The following RPAP1 variants were observed in gnomAD, a reference collection of about 807,000 sequenced individuals.
RPAP1 encodes RNA polymerase II-associated protein 1.
A neutral mutation model predicts 142.4 loss-of-function variants in RPAP1; 109 were observed. The ratio of observed to expected loss-of-function variants is 0.77; its 90% CI spans 0.66 to 0.90. The LOEUF is 0.90. RPAP1 is among the 40% of genes least tolerant of loss of function. RPAP1 has a pLI of 0.00. For missense variants in RPAP1, 1,546 were observed against 1,751.7 expected, an observed-to-expected ratio of 0.88 and a Z score of 2.10; for synonymous variants, 704 against 738.9, an observed-to-expected ratio of 0.95 and a Z score of 0.77.
intron 4 of RPAP1, 94 bp downstream of exon 4, chr15:41,536,035 G>T (rs1388288865): frequency 1.2e-6 from 1 of 869,436 alleles, no homozygotes; most frequent in East Asian, 2.6e-5. Context: ...AAATTAAATT[G>T]CTTATCATCA....
In RPAP1 at chr15:41,529,922, AG is replaced by A; in HGVS notation, c.1000del (p.Leu334TrpfsTer65). 1 of 1,614,028 alleles carries A rather than the reference AG, an allele frequency of 6.2e-7. No homozygotes were observed. The highest frequency in any genetic ancestry group is 8.5e-7 in the Non-Finnish European group (1 of 1,179,938). On this transcript the variant is annotated frameshift_variant, in exon 8 of 25. Transcript: ENST00000304330. LOFTEE classifies it high-confidence loss of function. ...KEWLHMDTVE[L>X]EKLHWTQDLP... Reference sequence around the variant, plus strand: ...GTCCTGGGTCCAGTGGAGCTTCTCCAGCTCGACAGTGTCCATGTGCAGCCAT... The same window carrying A: ...GTCCTGGGTCCAGTGGAGCTTCTCCACTCGACAGTGTCCATGTGCAGCCAT...
intron 1 of RPAP1, among the ~76,000 whole-genome samples, chr15:41,539,440 G>A (rs1012858760): frequency 2.6e-5 from 4 of 151,934 alleles, no homozygotes; most frequent in Non-Finnish European, 2.9e-5. Context: ...GATTACAGGC[G>A]CCCACCACCA....
rs572461788 is a variant in RPAP1 at position 41,521,862 on chromosome 15, G to A, written c.2914C>T (p.Pro972Ser). Reference protein sequence around the residue: ...AQKAAALQPLPATHAALYHGM... With the variant: ...AQKAAALQPLSATHAALYHGM... ...TGATAGAGGGCAGCATGGGTGGCTGGCAGTGGCTGCAGCGCTGCCTGCAGA... is the reference window on the plus strand; with the variant it reads ...TGATAGAGGGCAGCATGGGTGGCTGACAGTGGCTGCAGCGCTGCCTGCAGA... The change falls in exon 21 of 25, where the codon CCA (proline) becomes TCA (serine). Residue 972 changes from proline to serine, a missense_variant. By Grantham distance (74) the Pro-to-Ser change is moderately conservative. This residue lies in a region of RPAP1 where 1,333 missense variants were observed against 1,486.6 expected (regional missense o/e 0.90). Coordinates refer to ENST00000304330, the MANE Select transcript of RPAP1 (RefSeq NM_015540.4). The A allele has an allele frequency of 6.2e-7, 1 of 1,614,020 alleles. No individual in the cohort carries two copies. Among genetic ancestry groups the A allele is most frequent in the South Asian group, 1.1e-5 (1 of 91,060 alleles).
intron 14 of RPAP1, among the ~76,000 whole-genome samples, chr15:41,525,559 G>A (rs866026749): frequency 1.3e-5 from 2 of 151,998 alleles, no homozygotes; most frequent in African/African-American, 2.4e-5. Flanking sequence ...GGCTGGTGTC[G>A]AACTGCTGAC....
At chr15:41,522,068 C>T (rs778982991) in intron 20 of RPAP1, 30 bp downstream of exon 20, 10 of 1,609,230 alleles carry the variant, frequency 6.2e-6, no homozygotes, top group Admixed American at 1.7e-5. Context: ...AATGGGATGA[C>T]AGGAGAACCT....
intron 19 of RPAP1, 130 bp from the exon 20 acceptor site, chr15:41,522,380 C>A: frequency 4.7e-6 from 4 of 857,736 alleles, no homozygotes; most frequent in Non-Finnish European, 5.4e-6. Flanking sequence ...CCATGGGACA[C>A]CCTCCCACTT....
chr15:41,525,123 C>A lies in RPAP1; in HGVS notation c.1943G>T (p.Arg648Leu), dbSNP rs777348644. ...AGCCTCAGCTATGATGCGGCACAGGCGGCTCCGGAGATCAAAGCTGCTCAA... is the reference window on the plus strand; with the variant it reads ...AGCCTCAGCTATGATGCGGCACAGGAGGCTCCGGAGATCAAAGCTGCTCAA... ...RLLSSFDLRS[R>L]LCRIIAEAPQ... Residue 648 changes from arginine (R) to leucine (L), a missense_variant, in exon 15 of 25, where the codon CGC becomes CTC. Coordinates refer to ENST00000304330, the MANE Select transcript of RPAP1 (RefSeq NM_015540.4). The A allele has an allele frequency of 6.2e-7, 1 of 1,612,092 alleles. No homozygotes were observed. The highest frequency in any genetic ancestry group is 1.1e-5 in the South Asian group (1 of 90,884).
chr15:41,536,353 T>C, intron 3 of RPAP1, 135 bp from the exon 4 acceptor site: 1 of 1,322,398 alleles, frequency 7.6e-7, no homozygotes, highest in East Asian at 2.3e-5. Flanking sequence ...TTCAGGGCAG[T>C]GATTCTAACC....
chr15:41,529,887 C>A lies in RPAP1; in HGVS notation c.1036G>T (p.Val346Phe). The A allele has an allele frequency of 6.2e-7, 1 of 1,611,366 alleles. No individual in the cohort carries two copies. Among genetic ancestry groups the A allele is most frequent in the Non-Finnish European group, 8.5e-7 (1 of 1,178,658 alleles). ...KLHWTQDLPP[V>F]RRQQTQERMQ... ...ACCTCCTGTGTCTGCTGCCGCCGGA[C>A]AGGGGGCAAGTCCTGGGTCCAGTGG... is the stretch of plus-strand genomic sequence containing the variant. Residue 346 changes from valine (V) to phenylalanine (F), a missense_variant, in exon 8 of 25, where the codon GTC (valine) becomes TTC (phenylalanine). By Grantham distance (50) the Val-to-Phe change is conservative. Around this residue, in one of 3 missense-constraint regions of RPAP1, gnomAD observed 1,333 missense variants for 1,486.6 expected, o/e 0.90. Transcript: ENST00000304330.
In RPAP1 at chr15:41,517,363, T is replaced by G; in HGVS notation, c.*179A>C. On this transcript the variant is annotated 3_prime_UTR_variant, in exon 25 of 25. Coordinates refer to ENST00000304330, the MANE Select transcript of RPAP1 (RefSeq NM_015540.4). ...CCTTCAGAAGCCCCAGATATCAGGA[T>G]GTAATGGTAGGGCTCACTGCTCTAA... 3.7e-6 allele frequency: 2 copies of G among 536,726 alleles called. No homozygotes were observed. The highest frequency in any genetic ancestry group is 4.7e-4 in the Middle Eastern group (1 of 2,126). The allele number at this position is 536,726 out of a possible 1,614,324, so 33.2% of individuals were successfully genotyped here. A position where few individuals can be genotyped will look rare whatever the true frequency, so the allele number is the denominator to read the frequency against.
At chr15:41,540,186 A>C (rs1445262111) in intron 1 of RPAP1, among the ~76,000 whole-genome samples, 2 of 152,238 alleles carry the variant, frequency 1.3e-5, no homozygotes, top group Non-Finnish European at 2.9e-5. Flanking sequence ...AATAATAAAA[A>C]TATTGTTATA....
Position 41,531,183 on chromosome 15 carries a change from G to C in RPAP1, c.783C>G (p.Phe261Leu). 6.2e-7 allele frequency: 1 copy of C among 1,612,260 alleles called. No individual in the cohort carries two copies. Among genetic ancestry groups the C allele is most frequent in the Non-Finnish European group, 8.5e-7 (1 of 1,178,524 alleles). Residue 261 changes from phenylalanine (F) to leucine (L), a missense_variant, in exon 7 of 25, where the codon TTC becomes TTG. Transcript: ENST00000304330. ...LAQLDPSLVA[F>L]LRSHSHTQEQ... The stretch of plus-strand genomic sequence containing the variant: ...CTTGCGTGTGGCTGTGAGATCTCAA[G>C]AAAGCAACCAAGCTGGGGTCTAGAG...
intron 22 of RPAP1, chr15:41,519,918 G>C: frequency 5.4e-6 from 1 of 184,436 alleles, no homozygotes; most frequent in Non-Finnish European, 1.2e-5. Flanking sequence ...CTATATGCCA[G>C]ACACCAGGTT....
chr15:41,523,512 T>A (rs1473915955), intron 17 of RPAP1, among the ~76,000 whole-genome samples, 158 bp from the exon 18 acceptor site: 1 of 152,108 alleles, frequency 6.6e-6, no homozygotes, highest in East Asian at 1.9e-4. Flanking sequence ...CCCCGATGTG[T>A]AGGGGGCATA....
At chr15:41,535,045 A>G (rs7181115) in intron 5 of RPAP1, 110 bp from the exon 6 acceptor site, 1,039,814 of 1,043,018 alleles carry the variant, frequency 1, 518,392 homozygotes, top group East Asian at 1. Context: ...ATAGACCCAA[A>G]CTTTCCTCAG....
At position 41,537,053 on chromosome 15, in the gene RPAP1, C is replaced by G. The variant is rs1434527308; in HGVS notation, c.73G>C (p.Gly25Arg). Residue 25 changes from glycine (G) to arginine (R), a missense_variant, in exon 2 of 25, where the codon GGT (glycine) becomes CGT (arginine). Gly to Arg is a moderately radical substitution (Grantham distance 125, BLOSUM62 -2). Coordinates refer to ENST00000304330, the MANE Select transcript of RPAP1 (RefSeq NM_015540.4). ...LHFQSQFLAA[G>R]AAPAVQLVKK... Reference sequence around the variant, plus strand: ...ACCAACTGCACTGCTGGGGCTGCACCAGCTGCGAGAAACTGACTCTGGAAG... The same window carrying G: ...ACCAACTGCACTGCTGGGGCTGCACGAGCTGCGAGAAACTGACTCTGGAAG... 1 of 1,614,140 alleles carries G rather than the reference C, an allele frequency of 6.2e-7. No individual in the cohort carries two copies. The highest frequency in any genetic ancestry group is 8.5e-7 in the Non-Finnish European group (1 of 1,180,008).
intron 3 of RPAP1, 66 bp downstream of exon 3, chr15:41,536,434 AC>A: frequency 1.9e-6 from 3 of 1,585,454 alleles, no homozygotes; most frequent in Non-Finnish European, 2.6e-6. Flanking sequence ...AGCCTCACCC[AC>A]CCCGAGCATC....
At chr15:41,519,041 A>C (rs2140754478) in intron 22 of RPAP1, among the ~76,000 whole-genome samples, 1 of 151,610 alleles carries the variant, frequency 6.6e-6, no homozygotes, top group South Asian at 2.1e-4. Flanking sequence ...CGGGCAAATC[A>C]CCAGGTCTGG....
rs201568853 is a variant in RPAP1, at chr15:41,521,008, G to C, written c.3178C>G (p.Leu1060Val). 54 of 1,605,506 alleles carry C rather than the reference G, an allele frequency of 3.4e-5. No homozygotes were observed. The highest frequency in any genetic ancestry group is 4.3e-5 in the Non-Finnish European group (51 of 1,175,760). Reference sequence around the variant, plus strand: ...GCTCGGGCTGGCGAGCAATGAGTCAGGTAGCAGTTGCGGATGCTGGGGAGG... The same window carrying C: ...GCTCGGGCTGGCGAGCAATGAGTCACGTAGCAGTTGCGGATGCTGGGGAGG... ...QDLPSIRNCY[L>V]THCSPARASL... is the part of the protein sequence containing the mutation. Residue 1060 changes from leucine to valine, a missense_variant, in exon 22 of 25, where the codon CTG (leucine) becomes GTG (valine). By Grantham distance (32) the Leu-to-Val change is conservative (BLOSUM62 1). Transcript: ENST00000304330.
Sources: gnomAD v4.1 joint callset for allele counts (sites outside exome capture counted in the v4.1 genomes callset) on GRCh38, gnomAD v4.1.1 for gene constraint, gnomAD v4.1.1 regional missense constraint, MANE v1.5 for transcripts, NCBI Gene and HGNC (gene_info 2026-07-23, HGNC 2026-07-21) for gene names.